The following CATSPERE variants were observed in gnomAD, a reference collection of about 807,000 sequenced individuals.
The protein encoded by CATSPERE is catsper channel auxiliary subunit epsilon.
Under a neutral mutation model 114.1 loss-of-function variants are expected in CATSPERE, and 93 were observed. The ratio of observed to expected loss-of-function variants is 0.81; its 90% CI spans 0.69 to 0.97. The LOEUF is 0.97. CATSPERE is among the 50% of genes least tolerant of loss of function. The probability of loss-of-function intolerance (pLI) is 0.00; values close to 1 mark genes in which losing one functional copy is unlikely to be tolerated. For synonymous variants in CATSPERE, 341 were observed against 384.1 expected, an observed-to-expected ratio of 0.89 and a Z score of 1.31; for missense variants, 1,058 against 1,131.6, an observed-to-expected ratio of 0.93 and a Z score of 0.93.
chr1:244,474,009 C>T (rs1456159150), intron 2 of CATSPERE, among the ~76,000 whole-genome samples: 1 of 151,636 alleles, frequency 6.6e-6, no homozygotes, highest in Admixed American at 6.6e-5. Flanking sequence ...TACTCTTTTA[C>T]TGCCTGGTTT....
chr1:244,476,091 C>T (rs1291130375), intron 2 of CATSPERE, among the ~76,000 whole-genome samples: 1 of 151,970 alleles, frequency 6.6e-6, no homozygotes, highest in Admixed American at 6.6e-5. Flanking sequence ...TAAATGTGGT[C>T]AGTTTTGGTA....
chr1:244,591,956 C>G (rs1248599968), intron 15 of CATSPERE, among the ~76,000 whole-genome samples: 1 of 152,130 alleles, frequency 6.6e-6, no homozygotes. Flanking sequence ...GCAAAGCAAG[C>G]CTCATTTACA....
intron 11 of CATSPERE, among the ~76,000 whole-genome samples, chr1:244,578,143 T>C (rs1210465268): frequency 5.3e-5 from 8 of 152,016 alleles, no homozygotes; most frequent in African/African-American, 1.9e-4. Context: ...CTTTTACTGG[T>C]TTATTTGTTG....
Position 244,575,623 on chromosome 1 carries a change from T to C in CATSPERE, c.1950+2851T>C, listed in dbSNP as rs1665129173. ...TCCAGGTGCTAGTAATCTACAACAA[T>C]GTGGAGCTGCGCTTGCTGCTGTTGC... On this transcript the variant is annotated intron_variant, in intron 11 of 21. Coordinates refer to ENST00000366534, the MANE Select transcript of CATSPERE (RefSeq NM_001130957.2). The surrounding 1 kb of genome is among the most constrained non-coding windows in gnomAD (Gnocchi z 4.5). Among the ~76,000 whole-genome samples, 1 of 152,184 alleles carries C rather than the reference T, an allele frequency of 6.6e-6. No homozygotes were observed. The highest frequency in any genetic ancestry group is 3.4e-3 in the Middle Eastern group (1 of 294).
In CATSPERE at chr1:244,533,313, C is replaced by T. The variant is rs144948464; in HGVS notation, c.536+14615C>T. Among the ~76,000 whole-genome samples the T allele has an allele frequency of 2.0e-4, 31 of 152,070 alleles. No homozygotes were observed. In the East Asian group the frequency reaches 5.6e-3, roughly 27 times the overall value. On this transcript the variant is annotated intron_variant, in intron 8 of 21. Transcript: ENST00000366534. ...GGTCTTGTTTTTTAATCCGTTCAGC[C>T]ACTGTATGTCTTTTGATTGGAGAGT... is the stretch of plus-strand genomic sequence containing the variant.
rs1671853977 is a variant in CATSPERE at position 244,490,422 on chromosome 1, A to C, written c.327-25A>C. ...AATGTTTAACAGGCTGTTTACTAAA[A>C]TATGTTTCCTCTTTTTCCAAGCAGA... On this transcript the variant is annotated intron_variant, in intron 5 of 21. Coordinates refer to ENST00000366534, the MANE Select transcript of CATSPERE (RefSeq NM_001130957.2). The C allele has an allele frequency of 3.3e-6, 5 of 1,519,728 alleles. No homozygotes were observed. The East Asian group carries it at 1.1e-4, about 35-fold the overall frequency. The allele number at this position is 1,519,728 out of a possible 1,614,324, so 94.1% of individuals were successfully genotyped here.
intron 9 of CATSPERE, among the ~76,000 whole-genome samples, chr1:244,556,477 AT>A (rs892182615): frequency 6.6e-5 from 10 of 151,696 alleles, no homozygotes; most frequent in East Asian, 1.9e-4. Flanking sequence ...GTCAGATTGG[AT>A]TTTTTTTTAA....
intron 10 of CATSPERE, among the ~76,000 whole-genome samples, chr1:244,567,044 G>A (rs1008055580): frequency 3.9e-5 from 6 of 152,080 alleles, no homozygotes; most frequent in African/African-American, 1.4e-4. Flanking sequence ...AGGCCTGGTG[G>A]TGACAAAATC....
chr1:244,564,959 G>A (rs988312040), intron 10 of CATSPERE, among the ~76,000 whole-genome samples: 1 of 152,052 alleles, frequency 6.6e-6, no homozygotes, highest in African/African-American at 2.4e-5. Flanking sequence ...TAGCATGAAG[G>A]GGTGTTGAAT....
At chr1:244,578,843 T>TATATAC (rs756669283) in intron 11 of CATSPERE, among the ~76,000 whole-genome samples, 384 of 139,594 alleles carry the variant, frequency 2.8e-3, no homozygotes, top group East Asian at 9.9e-3. Context: ...TATATATATA[T>TATATAC]ACACACACAC....
At chr1:244,559,765 A>G (rs1324233996) in intron 9 of CATSPERE, among the ~76,000 whole-genome samples, 2 of 152,214 alleles carry the variant, frequency 1.3e-5, no homozygotes, top group Non-Finnish European at 2.9e-5. Context: ...TCCAGGCCAG[A>G]GTGATAAATA....
chr1:244,569,134 A>G (rs1664066026), intron 10 of CATSPERE, among the ~76,000 whole-genome samples: 1 of 148,714 alleles, frequency 6.7e-6, no homozygotes, highest in Non-Finnish European at 1.5e-5. Flanking sequence ...TTCCTTATGG[A>G]AGACCAGACT....
At chr1:244,635,803 TG>T (rs1282099662) in intron 21 of CATSPERE, among the ~76,000 whole-genome samples, 1 of 152,232 alleles carries the variant, frequency 6.6e-6, no homozygotes, top group Non-Finnish European at 1.5e-5. Flanking sequence ...TTTAGATTTT[TG>T]GGGGGCTATG....
At chr1:244,527,226 G>A (rs1678782346) in intron 8 of CATSPERE, among the ~76,000 whole-genome samples, 1 of 152,158 alleles carries the variant, frequency 6.6e-6, no homozygotes, top group African/African-American at 2.4e-5. Context: ...ACAGGAGACT[G>A]GGGCTTATTT....
At chr1:244,485,702 G>GTT (rs201235266) in intron 5 of CATSPERE, among the ~76,000 whole-genome samples, 7 of 137,668 alleles carry the variant, frequency 5.1e-5, no homozygotes, top group African/African-American at 1.3e-4. Flanking sequence ...TGTTTTTTTT[G>GTT]TTTTTTTTTT....
intron 20 of CATSPERE, among the ~76,000 whole-genome samples, chr1:244,618,646 G>T (rs1290557806): frequency 6.6e-6 from 1 of 152,138 alleles, no homozygotes; most frequent in Admixed American, 6.6e-5. Flanking sequence ...GTGTGGTGGT[G>T]CATGCCTGTA....
intron 17 of CATSPERE, among the ~76,000 whole-genome samples, chr1:244,600,357 C>CA (rs34923679): frequency 0.033 from 3,148 of 94,010 alleles, 108 homozygotes; most frequent in African/African-American, 0.092. Context: ...CTACCTAGTC[C>CA]AAAAAAAAAA....
chr1:244,566,017 C>T (rs112757715), intron 10 of CATSPERE, among the ~76,000 whole-genome samples: 1,755 of 152,208 alleles, frequency 0.012, 18 homozygotes, highest in African/African-American at 0.014. Context: ...GATTCTGGTA[C>T]GTTGTGTCTT....
At chr1:244,583,008 A>C (rs1666465155) in intron 12 of CATSPERE, among the ~76,000 whole-genome samples, 1 of 69,186 alleles carries the variant, frequency 1.4e-5, no homozygotes, top group African/African-American at 4.4e-5. Context: ...CAGGAAGAGT[A>C]GGGAGAAATG....
Sources: gnomAD v4.1 joint callset for allele counts (sites outside exome capture counted in the v4.1 genomes callset) on GRCh38, gnomAD v4.1.1 for gene constraint, Gnocchi (gnomAD v3.1) non-coding constraint, MANE v1.5 for transcripts, NCBI Gene and HGNC (gene_info 2026-07-23, HGNC 2026-07-21) for gene names.